EXT1: variants seen among roughly 807,000 people sequenced by gnomAD.
EXT1 encodes exostosin-1.
A neutral mutation model predicts 82.5 loss-of-function variants in EXT1; 20 were observed. That is an observed-to-expected ratio of 0.24 (90% CI 0.17 to 0.35). The LOEUF (loss-of-function observed/expected upper bound fraction) is 0.35, where lower values mean the gene tolerates loss of function less well. EXT1 is among the 10% of genes least tolerant of loss of function. EXT1 has a pLI of 1.00. For synonymous variants in EXT1, 348 were observed against 350.8 expected (o/e 0.99, Z 0.09); for missense variants, 757 against 936.5 (o/e 0.81, Z 2.50).
At chr8:118,057,604 C>G (rs1406985109) in intron 1 of EXT1, among the ~76,000 whole-genome samples, 1 of 151,824 alleles carries the variant, frequency 6.6e-6, no homozygotes, top group African/African-American at 2.4e-5. Context: ...CACTAAGTAG[C>G]TAGGATTGTT....
At chr8:118,086,274 T>C (rs1368560971) in intron 1 of EXT1, among the ~76,000 whole-genome samples, 2 of 152,218 alleles carry the variant, frequency 1.3e-5, no homozygotes. Context: ...ACATCACCAG[T>C]ATTTTTATGG....
At chr8:117,876,674 G>T (rs961220780) in intron 1 of EXT1, among the ~76,000 whole-genome samples, 1 of 152,180 alleles carries the variant, frequency 6.6e-6, no homozygotes, top group Non-Finnish European at 1.5e-5. Context: ...ATTTATAAAA[G>T]ATCTTAACAC....
chr8:118,004,900 A>G (rs750305318), intron 1 of EXT1, among the ~76,000 whole-genome samples: 8 of 152,210 alleles, frequency 5.3e-5, no homozygotes, highest in Non-Finnish European at 7.3e-5. Flanking sequence ...TTCATTCACA[A>G]TAATACTGAG....
At chr8:117,921,907 T>G (rs1425051164) in intron 1 of EXT1, among the ~76,000 whole-genome samples, 2 of 152,152 alleles carry the variant, frequency 1.3e-5, no homozygotes, top group African/African-American at 4.8e-5. Flanking sequence ...TGGAAAACAT[T>G]CATGATAGAA....
chr8:117,979,854 G>A (rs979919213), intron 1 of EXT1, among the ~76,000 whole-genome samples: 1 of 152,198 alleles, frequency 6.6e-6, no homozygotes, highest in African/African-American at 2.4e-5. Flanking sequence ...ACAGAGAAAA[G>A]CTAGAAAATA....
chr8:118,007,138 A>T (rs1586339028), intron 1 of EXT1, among the ~76,000 whole-genome samples: 1 of 152,144 alleles, frequency 6.6e-6, no homozygotes. Context: ...TCTACTAAAA[A>T]TACAAAAAAT....
At chr8:117,941,594 G>A (rs1432856314) in intron 1 of EXT1, among the ~76,000 whole-genome samples, 1 of 150,414 alleles carries the variant, frequency 6.6e-6, no homozygotes, top group African/African-American at 2.5e-5. Context: ...AGGGTTGATG[G>A]TGAGTGATCA....
intron 1 of EXT1, among the ~76,000 whole-genome samples, chr8:117,892,934 A>G (rs1234346750): frequency 1.3e-5 from 2 of 152,226 alleles, no homozygotes; most frequent in Non-Finnish European, 2.9e-5. Context: ...CAGAAGCAAC[A>G]TATTGGGGAG....
chr8:117,866,793 C>CAA (rs10709657), intron 1 of EXT1, among the ~76,000 whole-genome samples: 1,340 of 90,822 alleles, frequency 0.015, 3 homozygotes, highest in Non-Finnish European at 0.018. Flanking sequence ...CTGGCCTACC[C>CAA]AAAAAAAAAA....
At chr8:117,816,123 T>C (rs748572001) in intron 7 of EXT1, among the ~76,000 whole-genome samples, 1 of 152,114 alleles carries the variant, frequency 6.6e-6, no homozygotes, top group Non-Finnish European at 1.5e-5. Flanking sequence ...TCTCAGTACA[T>C]TTATTTATGT....
intron 3 of EXT1, among the ~76,000 whole-genome samples, chr8:117,831,359 A>G (rs1286366195): frequency 6.6e-6 from 1 of 152,224 alleles, no homozygotes; most frequent in Non-Finnish European, 1.5e-5. Flanking sequence ...TAATTAATGT[A>G]ACATCACTAC....
intron 1 of EXT1, among the ~76,000 whole-genome samples, chr8:118,091,194 C>T (rs567533605): frequency 3.9e-5 from 6 of 152,138 alleles, no homozygotes; most frequent in Non-Finnish European, 7.3e-5. Flanking sequence ...TTAGACAATA[C>T]GATGCAGCTC....
intron 1 of EXT1, among the ~76,000 whole-genome samples, chr8:118,070,603 C>T (rs1437171427): frequency 6.6e-6 from 1 of 152,086 alleles, no homozygotes; most frequent in African/African-American, 2.4e-5. Flanking sequence ...AATACAAATG[C>T]AAATAATCTT....
intron 1 of EXT1, among the ~76,000 whole-genome samples, chr8:117,895,821 T>C (rs1388844751): frequency 6.6e-6 from 1 of 152,164 alleles, no homozygotes; most frequent in African/African-American, 2.4e-5. Flanking sequence ...CTGGAGTAAG[T>C]TACCCTCCTT....
chr8:117,854,467 C>T lies in EXT1; in HGVS notation c.963-17266G>A, dbSNP rs148687675. On this transcript the variant is annotated intron_variant, in intron 1 of 10. Coordinates refer to ENST00000378204, the MANE Select transcript of EXT1 (RefSeq NM_000127.3). ...GAGAAAACACACACACACACATACA[C>T]ACACACACCATATATATATTTAAAG... is the stretch of plus-strand genomic sequence containing the variant. Among the ~76,000 whole-genome samples, 121 of 152,294 alleles carry T rather than the reference C, an allele frequency of 7.9e-4. 1 individual carries two copies. Among genetic ancestry groups the T allele is most frequent in the African/African-American group, 2.7e-3 (112 of 41,548 alleles).
intron 1 of EXT1, among the ~76,000 whole-genome samples, chr8:118,092,594 G>T (rs879640551): frequency 6.6e-6 from 1 of 152,172 alleles, no homozygotes. Flanking sequence ...TAAGGAGGAC[G>T]ATCCAAGCCT....
At chr8:117,815,128 A>G (rs1272873809) in intron 7 of EXT1, among the ~76,000 whole-genome samples, 1 of 152,216 alleles carries the variant, frequency 6.6e-6, no homozygotes, top group East Asian at 1.9e-4. Context: ...GCCTGAAGCA[A>G]TCCTCCTGAT....
chr8:118,102,981 C>A (rs550595078), intron 1 of EXT1, among the ~76,000 whole-genome samples: 102 of 152,236 alleles, frequency 6.7e-4, no homozygotes, highest in African/African-American at 2.4e-3. Flanking sequence ...TGGAGAAACC[C>A]CGTCTCTACT....
chr8:117,976,473 A>G (rs887885460), intron 1 of EXT1, among the ~76,000 whole-genome samples: 1 of 152,228 alleles, frequency 6.6e-6, no homozygotes, highest in African/African-American at 2.4e-5. Flanking sequence ...CCACAACCTC[A>G]TGGATCCTCA....
Sources: allele counts gnomAD v4.1 joint callset (sites outside exome capture counted in the v4.1 genomes callset), GRCh38; gene constraint gnomAD v4.1.1; transcripts MANE v1.5; gene names NCBI Gene and HGNC (gene_info 2026-07-23, HGNC 2026-07-21).